SLC24A2: variants seen among roughly 807,000 people sequenced by gnomAD.
SLC24A2 encodes the protein solute carrier family 24 member 2.
SLC24A2 carries 36 observed loss-of-function variants against 62.0 expected under a neutral mutation model. That is an observed-to-expected ratio of 0.58 (90% CI 0.44 to 0.77). The LOEUF (loss-of-function observed/expected upper bound fraction) is 0.77. Among genes scored for constraint, SLC24A2 ranks in the 30% least tolerant of loss-of-function variants. SLC24A2 has a pLI of 0.00. For missense variants in SLC24A2, 846 were observed against 817.9 expected, an observed-to-expected ratio of 1.03 and a Z score of -0.42; for synonymous variants, 358 against 294.0, an observed-to-expected ratio of 1.22 and a Z score of -2.23.
the SLC24A2 span, among the ~76,000 whole-genome samples, chr9:19,934,379 T>G: frequency 1.3e-5 from 2 of 152,138 alleles, no homozygotes; most frequent in Non-Finnish European, 2.9e-5. This position sits in a 1 kb window ranked among gnomAD's most constrained non-coding sequence, Gnocchi z 4.1. Flanking sequence ...GCGGCCTCCA[T>G]GGGCCGAGAC....
chr9:19,528,503 T>C (rs1162848387), intron 8 of SLC24A2, among the ~76,000 whole-genome samples: 2 of 152,182 alleles, frequency 1.3e-5, no homozygotes, highest in East Asian at 1.9e-4. Context: ...CTCCTTTTTC[T>C]TTCTTTTGCT....
the SLC24A2 span, among the ~76,000 whole-genome samples, chr9:20,276,738 T>C: frequency 0.012 from 1,861 of 152,336 alleles, 35 homozygotes; most frequent in African/African-American, 0.043. Context: ...CCATACATCC[T>C]CTGAAATCTA....
chr9:19,801,082 G>C, the SLC24A2 span, among the ~76,000 whole-genome samples: 1 of 152,156 alleles, frequency 6.6e-6, no homozygotes, highest in Non-Finnish European at 1.5e-5. Context: ...GATGGTGGCC[G>C]GCCGCTTCCA....
At chr9:20,247,832 T>A in the SLC24A2 span, among the ~76,000 whole-genome samples, 1 of 152,230 alleles carries the variant, frequency 6.6e-6, no homozygotes, top group African/African-American at 2.4e-5. Flanking sequence ...TCAAACTTAT[T>A]TACTGTGCAA....
the SLC24A2 span, among the ~76,000 whole-genome samples, chr9:20,027,980 GT>G: frequency 2.0e-4 from 31 of 152,198 alleles, no homozygotes; most frequent in African/African-American, 6.7e-4. Context: ...GTTGGTTGTC[GT>G]TAAATAAGAG....
chr9:19,702,762 C>A (rs369539401), intron 2 of SLC24A2, among the ~76,000 whole-genome samples: 245 of 152,124 alleles, frequency 1.6e-3, no homozygotes, highest in African/African-American at 5.5e-3. Context: ...TCTTGAGTTA[C>A]CTTTTAAAAT....
chr9:19,989,508 G>GT, the SLC24A2 span, among the ~76,000 whole-genome samples: 3 of 152,188 alleles, frequency 2.0e-5, no homozygotes, highest in Non-Finnish European at 4.4e-5. Context: ...ATAAGAGTTT[G>GT]TTAAAGTGGA....
At chr9:19,622,382 A>C (rs562857833) in intron 2 of SLC24A2, 83 bp from the exon 3 acceptor site, 93 of 1,358,124 alleles carry the variant, frequency 6.8e-5, no homozygotes, top group Non-Finnish European at 9.1e-5. Context: ...TTTAATAACA[A>C]GCATCAGTAT....
chr9:19,658,400 C>A (rs922051191), intron 2 of SLC24A2, among the ~76,000 whole-genome samples: 10 of 151,886 alleles, frequency 6.6e-5, no homozygotes, highest in Non-Finnish European at 1.3e-4. Context: ...CTCACTTGTG[C>A]CAAGTTCATA....
the SLC24A2 span, among the ~76,000 whole-genome samples, chr9:20,131,946 A>C: frequency 5.9e-5 from 9 of 152,136 alleles, no homozygotes; most frequent in African/African-American, 2.2e-4. Flanking sequence ...TAAATGGTAA[A>C]CAGTTTATGT....
intron 7 of SLC24A2, among the ~76,000 whole-genome samples, chr9:19,558,078 TG>T (rs1403134728): frequency 1.3e-5 from 2 of 152,134 alleles, no homozygotes; most frequent in Non-Finnish European, 2.9e-5. Context: ...GCTGGGATTA[TG>T]GGTGTGAGCT....
chr9:19,931,195 C>A, the SLC24A2 span, among the ~76,000 whole-genome samples: 2 of 152,116 alleles, frequency 1.3e-5, no homozygotes, highest in Non-Finnish European at 2.9e-5. Flanking sequence ...CCAAGTAAGA[C>A]AATCAAAAGG....
At chr9:19,971,638 C>G in the SLC24A2 span, among the ~76,000 whole-genome samples, 1 of 152,120 alleles carries the variant, frequency 6.6e-6, no homozygotes, top group Non-Finnish European at 1.5e-5. Context: ...CTCTCCTGGG[C>G]AGGAGCATTT....
the SLC24A2 span, among the ~76,000 whole-genome samples, chr9:20,060,055 T>A: frequency 6.6e-6 from 1 of 152,146 alleles, no homozygotes; most frequent in East Asian, 1.9e-4. Context: ...ATAACCTAGA[T>A]GAAATGGACA....
At chr9:19,662,606 C>T (rs560051468) in intron 2 of SLC24A2, among the ~76,000 whole-genome samples, 17 of 152,290 alleles carry the variant, frequency 1.1e-4, no homozygotes, top group African/African-American at 4.1e-4. Flanking sequence ...CTTTAATTTT[C>T]CGCAGAGTAC....
At chr9:19,979,882 A>G in the SLC24A2 span, among the ~76,000 whole-genome samples, 1 of 152,236 alleles carries the variant, frequency 6.6e-6, no homozygotes, top group African/African-American at 2.4e-5. Context: ...CATTTGCAAT[A>G]TGGTGATAAT....
At chr9:19,653,264 C>T (rs1404795065) in intron 2 of SLC24A2, among the ~76,000 whole-genome samples, 2 of 152,202 alleles carry the variant, frequency 1.3e-5, no homozygotes, top group Non-Finnish European at 2.9e-5. Flanking sequence ...CTCCTGTGTG[C>T]TGTAGCTCAT....
chr9:20,074,615 G>GAAGGA, the SLC24A2 span, among the ~76,000 whole-genome samples: 7 of 115,748 alleles, frequency 6.0e-5, no homozygotes, highest in African/African-American at 7.8e-5. Flanking sequence ...AGAAGGGAGT[G>GAAGGA]AGGGAGGGAG....
At chr9:19,592,544 A>G (rs948783993) in intron 5 of SLC24A2, among the ~76,000 whole-genome samples, 2 of 151,674 alleles carry the variant, frequency 1.3e-5, no homozygotes, top group Admixed American at 6.6e-5. Flanking sequence ...CTACCTACCT[A>G]TCTACCTATC....
Sources: allele counts gnomAD v4.1 joint callset (sites outside exome capture counted in the v4.1 genomes callset), GRCh38; gene constraint gnomAD v4.1.1; non-coding constraint Gnocchi (gnomAD v3.1); transcripts MANE v1.5; gene names NCBI Gene and HGNC (gene_info 2026-07-23, HGNC 2026-07-21).